MYBBP1A: variants seen among roughly 807,000 people sequenced by gnomAD.
MYBBP1A encodes MYB binding protein 1a, also known as myb-binding protein 1A.
A neutral mutation model predicts 136.3 loss-of-function variants in MYBBP1A; 147 were observed. That is an observed-to-expected ratio of 1.08 (90% CI 0.94 to 1.24). The LOEUF (loss-of-function observed/expected upper bound fraction) is 1.24. Ranked by LOEUF, MYBBP1A falls within the 50% of genes most tolerant of loss-of-function variation. MYBBP1A has a pLI of 0.00. For missense variants in MYBBP1A, 2,060 were observed against 1,727.4 expected (o/e 1.19, Z -3.41); for synonymous variants, 947 against 735.8 (o/e 1.29, Z -4.65).
intron 13 of MYBBP1A, 119 bp from the exon 14 acceptor site, chr17:4,546,061 G>A (rs1347170737): frequency 1.2e-6 from 1 of 828,014 alleles, no homozygotes; most frequent in Admixed American, 2.4e-5. Flanking sequence ...CCCAGCCACT[G>A]GCCCGCCCTG....
rs760277175 is a variant in MYBBP1A, at chr17:4,554,126, G to T, written c.379-33C>A. On this transcript the variant is annotated intron_variant, in intron 3 of 25. Coordinates refer to ENST00000254718, the MANE Select transcript of MYBBP1A (RefSeq NM_014520.4). ...AGGATTCCAGGCACAGGCATGAGGGGCCCTGGAACTCCCCATTCCCCAAGC... is the reference window on the plus strand; with the variant it reads ...AGGATTCCAGGCACAGGCATGAGGGTCCCTGGAACTCCCCATTCCCCAAGC... 28 of 1,613,144 alleles carry T rather than the reference G, an allele frequency of 1.7e-5. No individual in the cohort carries two copies. In the Admixed American group the frequency reaches 4.7e-4, roughly 27 times the overall value.
At chr17:4,545,539 C>A in intron 15 of MYBBP1A, 71 bp downstream of exon 15, 1 of 1,524,210 alleles carries the variant, frequency 6.6e-7, no homozygotes, top group South Asian at 1.3e-5. Context: ...GAGGCTGAAG[C>A]GGCACCCCTG....
intron 19 of MYBBP1A, 161 bp from the exon 20 acceptor site, chr17:4,543,326 T>A: frequency 1.0e-6 from 1 of 967,032 alleles, no homozygotes; most frequent in African/African-American, 1.6e-5. Context: ...GCCTGCAGGC[T>A]GCCTGGAAGC....
chr17:4,554,095 T>C lies in MYBBP1A; in HGVS notation c.379-2A>G, dbSNP rs1404357453. On this transcript the variant is annotated splice_acceptor_variant, in intron 3 of 25. Coordinates refer to ENST00000254718, the MANE Select transcript of MYBBP1A (RefSeq NM_014520.4). LOFTEE classifies it high-confidence loss of function. The stretch of plus-strand genomic sequence containing the variant: ...AAAGAGAGCAGGTCTCAGCATTGCC[T>C]AGAAAAGGATTCCAGGCACAGGCAT... 1 of 1,613,884 alleles carries C rather than the reference T, an allele frequency of 6.2e-7. No individual in the cohort carries two copies. The highest frequency in any genetic ancestry group is 1.3e-5 in the African/African-American group (1 of 74,918).
chr17:4,539,401 GCCCGTA>G lies in MYBBP1A; in HGVS notation c.*8_*13del, dbSNP rs771351842. On this transcript the variant is annotated 3_prime_UTR_variant, in exon 26 of 26. Coordinates refer to ENST00000254718, the MANE Select transcript of MYBBP1A (RefSeq NM_014520.4). ...CAGATGGAGGCAGGGGCTGAGGGGGGCCCGTACCTGTGCTCAGGGCTTCCCTGCCTT... is the reference window on the plus strand; with the variant it reads ...CAGATGGAGGCAGGGGCTGAGGGGGGCCTGTGCTCAGGGCTTCCCTGCCTT... 3.7e-5 allele frequency: 59 copies of G among 1,596,024 alleles called. No homozygotes were observed. In the South Asian group the frequency reaches 6.4e-4, roughly 17 times the overall value.
rs749318840 is a variant in MYBBP1A, at chr17:4,542,635, C to A, written c.2999G>T (p.Ser1000Ile). 6.2e-7 allele frequency: 1 copy of A among 1,613,938 alleles called. No homozygotes were observed. Among genetic ancestry groups the A allele is most frequent in the African/African-American group, 1.3e-5 (1 of 75,006 alleles). Reference protein sequence around the residue: ...NSPLTVPMFLSLFSRHPVLCQ... With the variant: ...NSPLTVPMFLILFSRHPVLCQ... Reference sequence around the variant, plus strand: ...ACTCACCGGGTGCCGGGAGAAGAGGCTGAGGAACATGGGAACTGTGAGGGG... The same window carrying A: ...ACTCACCGGGTGCCGGGAGAAGAGGATGAGGAACATGGGAACTGTGAGGGG... Residue 1000 changes from serine (S) to isoleucine (I), a missense_variant, in exon 21 of 26, where the codon AGC becomes ATC. By Grantham distance (142) the Ser-to-Ile change is moderately radical. Coordinates refer to ENST00000254718, the MANE Select transcript of MYBBP1A (RefSeq NM_014520.4).
rs538117260 is a variant in MYBBP1A, at chr17:4,539,362, A to T, written c.*53T>A. ...CATGGTTTAAAAAAAAAAAAAAAAA[A>T]TAGGCGTCTCAGGCAGATGGAGGCA... On this transcript the variant is annotated 3_prime_UTR_variant, in exon 26 of 26. Transcript: ENST00000254718. 32 of 1,491,562 alleles carry T rather than the reference A, an allele frequency of 2.1e-5. No homozygotes were observed. The South Asian group carries it at 3.9e-4, about 18-fold the overall frequency. 92.4% of individuals were successfully genotyped at this position (1,491,562 alleles called of 1,614,324 possible). A position where few individuals can be genotyped will look rare whatever the true frequency, so the allele number is the denominator to read the frequency against.
rs375449619 is a variant in MYBBP1A, at chr17:4,548,183, C to T, written c.1684G>A (p.Val562Met). ...LLNHSHNVTTVTPFTAQQRQA... is the reference protein window; with the variant it reads ...LLNHSHNVTTMTPFTAQQRQA... The stretch of plus-strand genomic sequence containing the variant: ...CGCTGCTGCGCAGTGAAGGGTGTCA[C>T]GGTGGTCACGTTGTGGCTGTGATTC... The change falls in exon 12 of 26, where the codon GTG becomes ATG. Residue 562 changes from valine to methionine, a missense_variant. Transcript: ENST00000254718. This position sits in a 1 kb window ranked among gnomAD's most constrained non-coding sequence, Gnocchi z 4.2. The T allele has an allele frequency of 3.7e-6, 6 of 1,606,142 alleles. No homozygotes were observed. The highest frequency in any genetic ancestry group is 1.1e-5 in the South Asian group (1 of 91,088).
chr17:4,554,886 G>A lies in MYBBP1A; in HGVS notation c.269C>T (p.Pro90Leu). The part of the protein sequence containing the change: ...GLGVGRETAR[P>L]CYSLALAQLL... ...CTGTGCCAGGGCCAAACTGTAGCAG[G>A]GCCGGGCTGTTTCTCGCCCGACCCC... The change falls in exon 2 of 26, where the codon CCC becomes CTC. Residue 90 changes from proline to leucine, a missense_variant. Physicochemically the swap from Pro to Leu is moderately conservative, Grantham distance 98. Coordinates refer to ENST00000254718, the MANE Select transcript of MYBBP1A (RefSeq NM_014520.4). 1 of 1,613,578 alleles carries A rather than the reference G, an allele frequency of 6.2e-7. No homozygotes were observed.
Position 4,539,600 on chromosome 17 carries a change from G to A in MYBBP1A, c.3802C>T (p.Pro1268Ser), listed in dbSNP as rs765078141. 1.2e-6 allele frequency: 2 copies of A among 1,614,120 alleles called. No homozygotes were observed. The highest frequency in any genetic ancestry group is 1.7e-6 in the Non-Finnish European group (2 of 1,180,028). The change falls in exon 26 of 26, where the codon CCC becomes TCC. Residue 1268 changes from proline to serine, a missense_variant. By Grantham distance (74) the Pro-to-Ser change is moderately conservative (BLOSUM62 -1). Coordinates refer to ENST00000254718, the MANE Select transcript of MYBBP1A (RefSeq NM_014520.4). ...PSQVNGAPGS[P>S]TEPAGQKQHQ... Reference sequence around the variant, plus strand: ...TGCTTTTGGCCTGCAGGTTCCGTGGGGGACCCGGGAGCTCCATTCACCTGG... The same window carrying A: ...TGCTTTTGGCCTGCAGGTTCCGTGGAGGACCCGGGAGCTCCATTCACCTGG...
intron 8 of MYBBP1A, 38 bp downstream of exon 8, chr17:4,551,842 C>G (rs1907533830): frequency 1.3e-6 from 2 of 1,578,936 alleles, no homozygotes; most frequent in African/African-American, 2.7e-5. Context: ...CCACGTCTAG[C>G]CTTTCTGGCA....
chr17:4,552,282 C>G lies in MYBBP1A; in HGVS notation c.748G>C (p.Val250Leu). The G allele has an allele frequency of 6.2e-7, 1 of 1,614,050 alleles. No homozygotes were observed. The highest frequency in any genetic ancestry group is 2.2e-5 in the East Asian group (1 of 44,866). ...SDENVPRLVN[V>L]LKMAASSVKK... ...ACAGAGGAGGCGGCCATCTTCAGCA[C>G]ATTCACCAGCCTGCGGAGGGCAAGG... is the stretch of plus-strand genomic sequence containing the variant. The change falls in exon 7 of 26, where the codon GTG (valine) becomes CTG (leucine). Residue 250 changes from valine to leucine, a missense_variant. Coordinates refer to ENST00000254718, the MANE Select transcript of MYBBP1A (RefSeq NM_014520.4). The surrounding 1 kb of genome is among the most constrained non-coding windows in gnomAD (Gnocchi z 4.7).
At position 4,539,090 on chromosome 17, in the gene MYBBP1A, A is replaced by C. The variant is rs539932401; in HGVS notation, c.*325T>G. The C allele has an allele frequency of 5.1e-5, 76 of 1,476,112 alleles. No individual in the cohort carries two copies. In the African/African-American group the frequency reaches 9.8e-4, roughly 19 times the overall value. The allele number at this position is 1,476,112 out of a possible 1,614,324, so 91.4% of individuals were successfully genotyped here. ...GCCTGGGGGCAAAGAGGTGGCAGGCACGAGAGATGGTCACACCTGCCTGCA... is the reference window on the plus strand; with the variant it reads ...GCCTGGGGGCAAAGAGGTGGCAGGCCCGAGAGATGGTCACACCTGCCTGCA... On this transcript the variant is annotated 3_prime_UTR_variant, in exon 26 of 26. Transcript: ENST00000254718.
At position 4,544,580 on chromosome 17, in the gene MYBBP1A, C is replaced by A. The variant is rs867221929; in HGVS notation, c.2548G>T (p.Glu850Ter). Residue 850 changes from glutamate to a stop codon, truncating the protein, a stop_gained, in exon 19 of 26, where the codon GAG (glutamate) becomes TAG (stop). Coordinates refer to ENST00000254718, the MANE Select transcript of MYBBP1A (RefSeq NM_014520.4). LOFTEE classifies it high-confidence loss of function. ...PENALVLELL[E>*]PLLSIIRRSL... ...CGCCGGATGATGCTCAGCAGCGGCT[C>A]CAGCAGCTCCAGGACCAGGGCATTC... is the stretch of plus-strand genomic sequence containing the variant. 1 of 1,577,264 alleles carries A rather than the reference C, an allele frequency of 6.3e-7. No homozygotes were observed. The highest frequency in any genetic ancestry group is 2.3e-5 in the East Asian group (1 of 42,770).
In MYBBP1A at chr17:4,552,100, G is replaced by T. The variant is rs142664875; in HGVS notation, c.905+25C>A. On this transcript the variant is annotated intron_variant, in intron 7 of 25. Transcript: ENST00000254718. The surrounding 1 kb of genome is among the most constrained non-coding windows in gnomAD (Gnocchi z 4.7). The stretch of plus-strand genomic sequence containing the variant: ...CACTTCACGGACAGGGAAGGGGGCC[G>T]AGAGAGGACACGCGTCGCCCGCACC... The T allele has an allele frequency of 1.2e-6, 2 of 1,607,932 alleles. No homozygotes were observed. Among genetic ancestry groups the T allele is most frequent in the Admixed American group, 3.4e-5 (2 of 59,676 alleles).
rs772094699 is a variant in MYBBP1A, at chr17:4,554,203, C to T, written c.370G>A (p.Val124Met). Residue 124 changes from valine (V) to methionine (M), a missense_variant, in exon 3 of 26, where the codon GTG becomes ATG. Coordinates refer to ENST00000254718, the MANE Select transcript of MYBBP1A (RefSeq NM_014520.4). ...QIQEKYDLHQ[V>M]KKAMLRPALF... is the part of the protein sequence containing the mutation. ...CCTGGCCCCACTCTCACCTTCTTCA[C>T]CTGATGCAGGTCATATTTTTCTTGT... 2.5e-6 allele frequency: 4 copies of T among 1,614,070 alleles called. No individual in the cohort carries two copies. The highest frequency in any genetic ancestry group is 3.4e-6 in the Non-Finnish European group (4 of 1,179,998).
In MYBBP1A at chr17:4,555,030, G is replaced by C. The variant is rs1004535089; in HGVS notation, c.199-74C>G. 4 of 1,593,166 alleles carry C rather than the reference G, an allele frequency of 2.5e-6. No homozygotes were observed. In the African/African-American group the frequency reaches 5.4e-5, roughly 21 times the overall value. ...CGCCCCCGCGCACCCTGGCATCCAG[G>C]TTCGCGACCACGTGCCCCCAGTCTC... is the stretch of plus-strand genomic sequence containing the variant. On this transcript the variant is annotated intron_variant, in intron 1 of 25. Transcript: ENST00000254718.
chr17:4,554,212 G>A lies in MYBBP1A; in HGVS notation c.361C>T (p.Leu121=), dbSNP rs370693565. 5.6e-6 allele frequency: 9 copies of A among 1,614,028 alleles called. No individual in the cohort carries two copies. In the African/African-American group the frequency reaches 1.1e-4, roughly 19 times the overall value. The change falls in exon 3 of 26, where the codon CTG becomes TTG. Residue 121 remains leucine (L), a synonymous_variant. Coordinates refer to ENST00000254718, the MANE Select transcript of MYBBP1A (RefSeq NM_014520.4). ...ACTCTCACCTTCTTCACCTGATGCA[G>A]GTCATATTTTTCTTGTATCTGCTGC... ...ILQQIQEKYD[L]HQVKKAMLRP... is the part of the protein sequence containing the mutation.
In MYBBP1A at chr17:4,555,267, C is replaced by A. The variant is rs906474478; in HGVS notation, c.58G>T (p.Ala20Ser). ...AGGCCATAGCGGTCGGCAGGCCGGG[C>A]GCCACTCTGCGTCGCTTCTCCAGGC... ...MSPGEATQSGARPADRYGLLK... is the reference protein window; with the variant it reads ...MSPGEATQSGSRPADRYGLLK... Residue 20 changes from alanine (A) to serine (S), a missense_variant, in exon 1 of 26, where the codon GCC (alanine) becomes TCC (serine). By Grantham distance (99) the Ala-to-Ser change is moderately conservative. Coordinates refer to ENST00000254718, the MANE Select transcript of MYBBP1A (RefSeq NM_014520.4). The A allele has an allele frequency of 1.2e-6, 2 of 1,611,312 alleles. No individual in the cohort carries two copies. The highest frequency in any genetic ancestry group is 2.7e-5 in the African/African-American group (2 of 75,060).
Sources: allele counts gnomAD v4.1 joint callset, GRCh38; gene constraint gnomAD v4.1.1; non-coding constraint Gnocchi (gnomAD v3.1); transcripts MANE v1.5; gene names NCBI Gene and HGNC (gene_info 2026-07-23, HGNC 2026-07-21).